The following CCPG1 variants were observed in gnomAD, a reference collection of about 807,000 sequenced individuals.
The protein encoded by CCPG1 is cell cycle progression protein 1.
A neutral mutation model predicts 81.3 loss-of-function variants in CCPG1; 46 were observed. That is an observed-to-expected ratio of 0.57 (90% CI 0.45 to 0.72). The LOEUF is 0.72. Among genes scored for constraint, CCPG1 ranks in the 30% least tolerant of loss-of-function variants. The pLI is 0.00. For missense variants in CCPG1, 902 were observed against 937.6 expected, an observed-to-expected ratio of 0.96 and a Z score of 0.50; for synonymous variants, 330 against 305.2, an observed-to-expected ratio of 1.08 and a Z score of -0.85.
At chr15:55,366,175 A>G (rs1480328100) in intron 6 of CCPG1, among the ~76,000 whole-genome samples, 3 of 152,186 alleles carry the variant, frequency 2.0e-5, no homozygotes, top group Non-Finnish European at 1.5e-5. Flanking sequence ...ATCTTACTAT[A>G]TTGAAGGCAC....
In CCPG1 at chr15:55,407,037, A is replaced by ACCCAC. The variant is rs1308149562; in HGVS notation, c.-10+1183_-10+1184insGTGGG. On this transcript the variant is annotated intron_variant, in intron 1 of 8. Coordinates refer to ENST00000442196, the MANE Select transcript of CCPG1 (RefSeq NM_001204450.2). ...AGACCAGCCTGGCCGACACGTTGAG[A>ACCCAC]CCCCCCCCCCCGCCCCGCCGTCTCT... Among the ~76,000 whole-genome samples, 192 of 112,674 alleles carry ACCCAC rather than the reference A, an allele frequency of 1.7e-3. 7 individuals are homozygous for ACCCAC. Among genetic ancestry groups the ACCCAC allele is most frequent in the Admixed American group, 4.3e-3 (53 of 12,452 alleles). 73.9% of individuals were successfully genotyped at this position (112,674 alleles called of 152,430 possible). A position where few individuals can be genotyped will look rare whatever the true frequency, so the allele number is the denominator to read the frequency against.
At chr15:55,373,284 C>G (rs1360185635) in intron 5 of CCPG1, among the ~76,000 whole-genome samples, 1 of 152,150 alleles carries the variant, frequency 6.6e-6, no homozygotes, top group Non-Finnish European at 1.5e-5. Flanking sequence ...AGGAAAAGCA[C>G]TAAAAATAAG....
In CCPG1 at chr15:55,388,377, T is replaced by C. The variant is rs558099003; in HGVS notation, c.60+988A>G. 8.5e-5 allele frequency among the ~76,000 whole-genome samples: 13 copies of C among 152,298 alleles called. No homozygotes were observed. In the South Asian group the frequency reaches 2.5e-3, roughly 29 times the overall value. ...TGTATACTTGTTGTATGTATATCAA[T>C]CTTCTATTATAAAATTCATTTTGTG... On this transcript the variant is annotated intron_variant, in intron 2 of 8. Coordinates refer to ENST00000442196, the MANE Select transcript of CCPG1 (RefSeq NM_001204450.2).
In CCPG1 at chr15:55,385,604, T is replaced by C. The variant is rs550674641; in HGVS notation, c.171A>G (p.Gln57=). 9.6e-6 allele frequency: 15 copies of C among 1,558,766 alleles called. No individual in the cohort carries two copies. The highest frequency in any genetic ancestry group is 5.8e-5 in the South Asian group (5 of 86,882). Residue 57 remains glutamine, a synonymous_variant, in exon 3 of 9, where the codon CAA becomes CAG. Coordinates refer to ENST00000442196, the MANE Select transcript of CCPG1 (RefSeq NM_001204450.2). The part of the protein sequence containing the change: ...QEELQALQIE[Q]GESSQNGTVL... ...TAGAATTTGTGAACAACTTACCTCC[T>C]TGCTCTATCTGCAATGCTTGAAGCT...
At chr15:55,402,924 T>C (rs1033164598) in intron 1 of CCPG1, among the ~76,000 whole-genome samples, 2 of 152,238 alleles carry the variant, frequency 1.3e-5, no homozygotes, top group African/African-American at 4.8e-5. Flanking sequence ...GGACATTTGA[T>C]GCAACAGAGT....
At chr15:55,403,767 C>T (rs2057167933) in intron 1 of CCPG1, among the ~76,000 whole-genome samples, 1 of 152,174 alleles carries the variant, frequency 6.6e-6, no homozygotes, top group Non-Finnish European at 1.5e-5. Context: ...CTGCAACTTC[C>T]TCATCTTCAC....
intron 4 of CCPG1, among the ~76,000 whole-genome samples, chr15:55,377,452 G>A (rs778216994): frequency 6.6e-6 from 1 of 152,150 alleles, no homozygotes; most frequent in Admixed American, 6.5e-5. Context: ...CTTCTCTCAC[G>A]AGTTCCATGG....
chr15:55,363,192 G>A (rs1444683855), intron 7 of CCPG1, among the ~76,000 whole-genome samples: 1 of 151,690 alleles, frequency 6.6e-6, no homozygotes, highest in Non-Finnish European at 1.5e-5. Flanking sequence ...TACTGAAAAT[G>A]CAAAAAATGA....
At chr15:55,396,407 G>A (rs540948275) in intron 1 of CCPG1, among the ~76,000 whole-genome samples, 23 of 152,158 alleles carry the variant, frequency 1.5e-4, no homozygotes, top group African/African-American at 5.6e-4. Flanking sequence ...ATTCCTCAGA[G>A]TAGTTTCTTT....
chr15:55,389,807 T>C (rs1039366306), intron 1 of CCPG1, among the ~76,000 whole-genome samples: 1 of 152,154 alleles, frequency 6.6e-6, no homozygotes, highest in Non-Finnish European at 1.5e-5. Flanking sequence ...CAGTAAGGTG[T>C]GAAAAACATG....
chr15:55,376,846 A>C, intron 5 of CCPG1, 103 bp downstream of exon 5: 2 of 815,440 alleles, frequency 2.5e-6, no homozygotes, highest in Non-Finnish European at 3.9e-6. Context: ...GTTTTACCCA[A>C]ACATATTCAA....
Position 55,365,196 on chromosome 15 carries a change from C to T in CCPG1, c.820G>A (p.Asp274Asn). The T allele has an allele frequency of 2.8e-6, 4 of 1,451,240 alleles. No homozygotes were observed. The highest frequency in any genetic ancestry group is 3.8e-6 in the Non-Finnish European group (4 of 1,050,518). The allele number at this position is 1,451,240 out of a possible 1,614,324, so 89.9% of individuals were successfully genotyped here. ...QCQQEQESFI[D>N]YKSLKENLAR... is the part of the protein sequence containing the mutation. ...CTGTTAGTGGTACATACCTTATAAT[C>T]TATAAAAGATTCTTGTTCCTGTTGA... Residue 274 changes from aspartate to asparagine, a missense_variant, in exon 7 of 9, where the codon GAT becomes AAT. By Grantham distance (23) the Asp-to-Asn change is conservative. Transcript: ENST00000442196.
chr15:55,360,386 C>T lies in CCPG1; in HGVS notation c.1387G>A (p.Gly463Arg). ...CCCCCTTTCTTTTTTCCATCTGTTCCTTGTTTTCCATTTTGATCTTTTGCC... is the reference window on the plus strand; with the variant it reads ...CCCCCTTTCTTTTTTCCATCTGTTCTTTGTTTTCCATTTTGATCTTTTGCC... ...VEAKDQNGKQ[G>R]TDGKKKGGRG... is the part of the protein sequence containing the mutation. Residue 463 changes from glycine to arginine, a missense_variant, in exon 8 of 9, where the codon GGA (glycine) becomes AGA (arginine). Physicochemically the swap from Gly to Arg is moderately radical, Grantham distance 125 (BLOSUM62 -2). Around this residue, in one of 3 missense-constraint regions of CCPG1, gnomAD observed 746 missense variants for 728.6 expected, o/e 1.02. Transcript: ENST00000442196. 1 of 1,613,740 alleles carries T rather than the reference C, an allele frequency of 6.2e-7. No individual in the cohort carries two copies. The highest frequency in any genetic ancestry group is 8.5e-7 in the Non-Finnish European group (1 of 1,180,008).
In CCPG1 at chr15:55,355,281, T is replaced by C. The variant is rs991591036; in HGVS notation, c.*939A>G. 5.0e-6 allele frequency: 8 copies of C among 1,597,570 alleles called. No individual in the cohort carries two copies. The Admixed American group carries it at 8.7e-5, about 17-fold the overall frequency. ...TTATTTACTTAAACATTTATTTGCT[T>C]CTAGGAAATAAGCGCTTTCCTAATT... On this transcript the variant is annotated 3_prime_UTR_variant, in exon 9 of 9. Transcript: ENST00000442196.
chr15:55,385,943 A>G (rs1185483495), intron 2 of CCPG1, among the ~76,000 whole-genome samples: 1 of 152,220 alleles, frequency 6.6e-6, no homozygotes, highest in East Asian at 1.9e-4. Flanking sequence ...TCAGCCCAAA[A>G]GTGGAATGCT....
Position 55,360,356 on chromosome 15 carries a change from C to T in CCPG1, c.1417G>A (p.Gly473Arg), listed in dbSNP as rs373056381. The T allele has an allele frequency of 1.2e-6, 2 of 1,613,796 alleles. No homozygotes were observed. Among genetic ancestry groups the T allele is most frequent in the Non-Finnish European group, 1.7e-6 (2 of 1,180,012 alleles). Reference protein sequence around the residue: ...GTDGKKKGGRGSHRAKNKSKE... With the variant: ...GTDGKKKGGRRSHRAKNKSKE... Reference sequence around the variant, plus strand: ...GACTTATTTTTAGCCCTGTGGCTTCCTCTGCCCCCTTTCTTTTTTCCATCT... The same window carrying T: ...GACTTATTTTTAGCCCTGTGGCTTCTTCTGCCCCCTTTCTTTTTTCCATCT... The change falls in exon 8 of 9, where the codon GGA (glycine) becomes AGA (arginine). Residue 473 changes from glycine to arginine, a missense_variant. Physicochemically the swap from Gly to Arg is moderately radical, Grantham distance 125. Coordinates refer to ENST00000442196, the MANE Select transcript of CCPG1 (RefSeq NM_001204450.2).
chr15:55,381,114 G>T (rs1283456672), intron 3 of CCPG1, among the ~76,000 whole-genome samples: 1 of 151,622 alleles, frequency 6.6e-6, no homozygotes, highest in Non-Finnish European at 1.5e-5. Flanking sequence ...TCCAGCCTGG[G>T]CAACAGAGCA....
In CCPG1 at chr15:55,360,648, C is replaced by T; in HGVS notation, c.1125G>A (p.Leu375=). The change falls in exon 8 of 9, where the codon CTG becomes CTA. Residue 375 remains leucine (L), a synonymous_variant. Coordinates refer to ENST00000442196, the MANE Select transcript of CCPG1 (RefSeq NM_001204450.2). ...TCTTTAGCATCTTTGCTTCTGTCAA[C>T]AGAGTCTCCCTTTGACTAAGAAAGC... ...KHSFLSQRET[L]LTEAKMLKRE... is the part of the protein sequence containing the mutation. 2 of 1,614,146 alleles carry T rather than the reference C, an allele frequency of 1.2e-6. No homozygotes were observed. The highest frequency in any genetic ancestry group is 2.2e-5 in the South Asian group (2 of 91,082).
At chr15:55,404,034 A>T (rs186494540) in intron 1 of CCPG1, among the ~76,000 whole-genome samples, 1 of 152,374 alleles carries the variant, frequency 6.6e-6, no homozygotes, top group African/African-American at 2.4e-5. Flanking sequence ...TAAATCAGAC[A>T]TGTTAATCAA....
Sources: gnomAD v4.1 joint callset for allele counts (sites outside exome capture counted in the v4.1 genomes callset) on GRCh38, gnomAD v4.1.1 for gene constraint, gnomAD v4.1.1 regional missense constraint, MANE v1.5 for transcripts, NCBI Gene and HGNC (gene_info 2026-07-23, HGNC 2026-07-21) for gene names.